Variants in GABRG3 observed in about 807,000 individuals in gnomAD.
GABRG3 encodes gamma-aminobutyric acid type A receptor subunit gamma3, also known as gamma-aminobutyric acid receptor subunit gamma-3.
A neutral mutation model predicts 48.8 loss-of-function variants in GABRG3; 25 were observed. That is an observed-to-expected ratio of 0.51 (90% CI 0.37 to 0.72). The LOEUF is 0.72. Among genes scored for constraint, GABRG3 ranks in the 30% least tolerant of loss-of-function variants. GABRG3 has a pLI of 0.00. For synonymous variants in GABRG3, 227 were observed against 217.6 expected, an observed-to-expected ratio of 1.04 and a Z score of -0.38; for missense variants, 394 against 577.9, an observed-to-expected ratio of 0.68 and a Z score of 3.26.
chr15:27,527,887 A>G (rs1201242925), intron 8 of GABRG3, 46 bp from the exon 9 acceptor site: 78 of 1,437,492 alleles, frequency 5.4e-5, no homozygotes, highest in Non-Finnish European at 7.5e-5. Flanking sequence ...CTTGGATGCA[A>G]ATGTTCATGA....
At chr15:27,356,071 G>A (rs980360241) in intron 5 of GABRG3, among the ~76,000 whole-genome samples, 2 of 152,148 alleles carry the variant, frequency 1.3e-5, no homozygotes, top group African/African-American at 4.8e-5. Context: ...TACTTTTAAA[G>A]GGCGACCTTT....
chr15:26,986,551 C>T (rs938403426), intron 2 of GABRG3, among the ~76,000 whole-genome samples: 3 of 152,210 alleles, frequency 2.0e-5, no homozygotes, highest in Admixed American at 1.3e-4. Flanking sequence ...CCACCCCTAT[C>T]GAGGTAAAGC....
intron 6 of GABRG3, among the ~76,000 whole-genome samples, chr15:27,493,887 A>G (rs1247809969): frequency 1.3e-5 from 2 of 152,134 alleles, no homozygotes; most frequent in African/African-American, 2.4e-5. Context: ...CCTCAGTAAG[A>G]GGGAAATAAA....
intron 3 of GABRG3, among the ~76,000 whole-genome samples, chr15:27,167,538 A>G (rs1477496783): frequency 6.6e-6 from 1 of 152,206 alleles, no homozygotes; most frequent in Non-Finnish European, 1.5e-5. Flanking sequence ...AACAGAGGCT[A>G]AAACTAATCA....
chr15:27,299,315 A>C (rs1334049552), intron 3 of GABRG3, among the ~76,000 whole-genome samples: 1 of 152,152 alleles, frequency 6.6e-6, no homozygotes, highest in East Asian at 1.9e-4. Context: ...CAAACAAAAA[A>C]ACACCATGGC....
At chr15:27,274,752 C>T (rs986286907) in intron 3 of GABRG3, among the ~76,000 whole-genome samples, 1 of 152,196 alleles carries the variant, frequency 6.6e-6, no homozygotes, top group African/African-American at 2.4e-5. Context: ...ATAACACAGA[C>T]ATTATACATG....
chr15:27,494,250 A>G (rs1890426829), intron 6 of GABRG3, among the ~76,000 whole-genome samples: 1 of 152,104 alleles, frequency 6.6e-6, no homozygotes, highest in Admixed American at 6.5e-5. Flanking sequence ...TATTAACAAT[A>G]CAACATTAAT....
chr15:27,366,673 A>G (rs74006908), intron 5 of GABRG3, among the ~76,000 whole-genome samples: 10,233 of 152,080 alleles, frequency 0.067, 1,140 homozygotes, highest in African/African-American at 0.23. Context: ...CCTCTCACAG[A>G]TCCAGGTTCA....
chr15:27,125,149 A>G (rs1302717278), intron 3 of GABRG3, among the ~76,000 whole-genome samples: 5 of 152,252 alleles, frequency 3.3e-5, no homozygotes, highest in Non-Finnish European at 7.3e-5. Flanking sequence ...TAGTAAAAAA[A>G]AGAAATATTT....
In GABRG3 at chr15:27,452,145, T is replaced by C. The variant is rs542357127; in HGVS notation, c.575-28505T>C. The stretch of plus-strand genomic sequence containing the variant: ...TATGAAAAACAGTCAACATCACTAA[T>C]TGTCGGGGAAATGCAAATCTAAACC... On this transcript the variant is annotated intron_variant, in intron 5 of 9. Transcript: ENST00000615808. Among the ~76,000 whole-genome samples, 7 of 152,286 alleles carry C rather than the reference T, an allele frequency of 4.6e-5. No individual in the cohort carries two copies. In the South Asian group the frequency reaches 1.5e-3, roughly 32 times the overall value.
intron 3 of GABRG3, among the ~76,000 whole-genome samples, chr15:27,307,009 T>TA (rs1229430635): frequency 1.7e-5 from 2 of 118,882 alleles, no homozygotes; most frequent in East Asian, 2.3e-4. Context: ...TAAACATGTA[T>TA]AAACATGTTT....
chr15:27,363,354 A>C (rs1895085337), intron 5 of GABRG3: 1 of 152,218 alleles, frequency 6.6e-6, no homozygotes, highest in Admixed American at 6.5e-5. Context: ...TTCCAGGTGC[A>C]GCTGGCCACA....
intron 3 of GABRG3, among the ~76,000 whole-genome samples, chr15:27,282,350 T>C (rs1891461796): frequency 6.6e-6 from 1 of 152,182 alleles, no homozygotes. Context: ...GAATGTCATA[T>C]CTTTTGTCAC....
chr15:27,395,528 A>C (rs1887273451), intron 5 of GABRG3, among the ~76,000 whole-genome samples: 1 of 152,218 alleles, frequency 6.6e-6, no homozygotes, highest in Admixed American at 6.5e-5. Flanking sequence ...TCTTATTGTC[A>C]ATAGTGTAGA....
intron 2 of GABRG3, among the ~76,000 whole-genome samples, chr15:26,981,526 T>C (rs1895054010): frequency 6.6e-6 from 1 of 152,252 alleles, no homozygotes; most frequent in African/African-American, 2.4e-5. Context: ...TCCAGTTCTA[T>C]ATCCTTGCCT....
At chr15:27,307,031 TGTATAAAATAAAC>T (rs1892571901) in intron 3 of GABRG3, among the ~76,000 whole-genome samples, 1 of 81,028 alleles carries the variant, frequency 1.2e-5, no homozygotes, top group Non-Finnish European at 2.4e-5. Context: ...TATATAAACA[TGTATAAAATAAAC>T]ATGTTTATAT....
chr15:27,165,215 G>T (rs1887334057), intron 3 of GABRG3, among the ~76,000 whole-genome samples: 1 of 152,054 alleles, frequency 6.6e-6, no homozygotes, highest in East Asian at 1.9e-4. Flanking sequence ...GATGGAGTAG[G>T]GCTTCATGCC....
At chr15:27,146,339 C>T (rs1209255190) in intron 3 of GABRG3, among the ~76,000 whole-genome samples, 2 of 152,052 alleles carry the variant, frequency 1.3e-5, no homozygotes, top group Non-Finnish European at 2.9e-5. Context: ...TGCCTGTAGT[C>T]CCAACTACTC....
At chr15:27,219,390 A>G (rs974692896) in intron 3 of GABRG3, among the ~76,000 whole-genome samples, 3 of 152,166 alleles carry the variant, frequency 2.0e-5, no homozygotes, top group African/African-American at 4.8e-5. Flanking sequence ...AGGTCTGGGC[A>G]AGATAACCTC....
Sources: allele counts gnomAD v4.1 joint callset (sites outside exome capture counted in the v4.1 genomes callset), GRCh38; gene constraint gnomAD v4.1.1; transcripts MANE v1.5; gene names NCBI Gene and HGNC (gene_info 2026-07-23, HGNC 2026-07-21).